Variants in CHRM3 observed in about 807,000 individuals in gnomAD.
The protein encoded by CHRM3 is muscarinic acetylcholine receptor M3.
CHRM3 carries 11 observed loss-of-function variants against 41.8 expected under a neutral mutation model. The observed-to-expected ratio is 0.26, with a 90% CI of 0.17 to 0.44. The LOEUF (loss-of-function observed/expected upper bound fraction) is 0.44, where lower values mean the gene tolerates loss of function less well. Ranked by LOEUF, CHRM3 falls within the 20% of genes least tolerant of loss-of-function variation. The pLI is 1.00. For synonymous variants in CHRM3, 297 were observed against 301.4 expected, an observed-to-expected ratio of 0.99 and a Z score of 0.15; for missense variants, 571 against 745.4, an observed-to-expected ratio of 0.77 and a Z score of 2.72.
chr1:239,650,941 C>T (rs1048327161), intron 4 of CHRM3, among the ~76,000 whole-genome samples: 8 of 151,986 alleles, frequency 5.3e-5, no homozygotes, highest in African/African-American at 1.9e-4. Context: ...AAAATATGTG[C>T]ACATTAATAT....
chr1:239,473,001 CTT>C (rs1666229527), intron 1 of CHRM3, among the ~76,000 whole-genome samples: 1 of 151,948 alleles, frequency 6.6e-6, no homozygotes, highest in Non-Finnish European at 1.5e-5. Context: ...AAAAAGAAAT[CTT>C]GATGTGTGAC....
chr1:239,730,091 A>G (rs1413911120), intron 5 of CHRM3, among the ~76,000 whole-genome samples: 1 of 152,116 alleles, frequency 6.6e-6, no homozygotes, highest in East Asian at 1.9e-4. Context: ...TACCACTCCT[A>G]TCAATAAATG....
At chr1:239,501,619 G>A (rs1420449211) in intron 2 of CHRM3, among the ~76,000 whole-genome samples, 1 of 152,190 alleles carries the variant, frequency 6.6e-6, no homozygotes, top group African/African-American at 2.4e-5. Flanking sequence ...ACTTTGGGAG[G>A]CTGAGGTGGG....
At chr1:239,630,665 T>A (rs573146901) in intron 3 of CHRM3, among the ~76,000 whole-genome samples, 1 of 152,210 alleles carries the variant, frequency 6.6e-6, no homozygotes, top group Non-Finnish European at 1.5e-5. Context: ...TAGTTCAGTT[T>A]ACTCTTGAAG....
At chr1:239,411,947 T>G (rs1661105955) in intron 1 of CHRM3, among the ~76,000 whole-genome samples, 1 of 151,844 alleles carries the variant, frequency 6.6e-6, no homozygotes, top group Non-Finnish European at 1.5e-5. Context: ...TATTTCTAAA[T>G]AGCAGGCATA....
At chr1:239,413,328 C>T (rs756127708) in intron 1 of CHRM3, among the ~76,000 whole-genome samples, 2 of 152,036 alleles carry the variant, frequency 1.3e-5, no homozygotes, top group Admixed American at 6.6e-5. Flanking sequence ...CTCACTCTGT[C>T]GCCCAGGCTG....
intron 1 of CHRM3, among the ~76,000 whole-genome samples, chr1:239,422,967 G>C (rs1189115933): frequency 6.6e-6 from 1 of 151,996 alleles, no homozygotes; most frequent in Admixed American, 6.6e-5. Context: ...TGATAGGAGA[G>C]GGCGGGCTTC....
chr1:239,394,352 C>A (rs116167810), intron 1 of CHRM3, among the ~76,000 whole-genome samples: 1 of 152,178 alleles, frequency 6.6e-6, no homozygotes, highest in African/African-American at 2.4e-5. Flanking sequence ...TCTGTGGTCA[C>A]GTTGCCTCCT....
intron 6 of CHRM3, among the ~76,000 whole-genome samples, chr1:239,893,529 A>C (rs1678721314): frequency 6.6e-6 from 1 of 151,944 alleles, no homozygotes; most frequent in Admixed American, 6.6e-5. Context: ...CCATTTCTTC[A>C]CCCTTAAAGT....
At chr1:239,562,803 A>G (rs968108363) in intron 3 of CHRM3, among the ~76,000 whole-genome samples, 2 of 150,682 alleles carry the variant, frequency 1.3e-5, no homozygotes, top group Middle Eastern at 3.5e-3. Context: ...CAGGAGAATC[A>G]CTTGAAACTG....
chr1:239,607,651 G>T (rs573413706), intron 3 of CHRM3, among the ~76,000 whole-genome samples: 1 of 151,732 alleles, frequency 6.6e-6, no homozygotes, highest in South Asian at 2.1e-4. Flanking sequence ...AATATGAAAA[G>T]CTCAAACTAA....
intron 1 of CHRM3, among the ~76,000 whole-genome samples, chr1:239,471,694 C>A (rs770431985): frequency 2.6e-5 from 4 of 152,178 alleles, no homozygotes; most frequent in Non-Finnish European, 4.4e-5. Flanking sequence ...GATCTCTGCC[C>A]AAGGCCTCAG....
chr1:239,467,310 CT>C (rs941354609), intron 1 of CHRM3, among the ~76,000 whole-genome samples: 1 of 151,152 alleles, frequency 6.6e-6, no homozygotes, highest in African/African-American at 2.4e-5. Flanking sequence ...GCCTCTAGTT[CT>C]TTTTTTTTGA....
At chr1:239,725,004 T>C (rs12743042) in intron 5 of CHRM3, among the ~76,000 whole-genome samples, 51,543 of 151,816 alleles carry the variant, frequency 0.34, 10,407 homozygotes, top group Middle Eastern at 0.49. Context: ...CCCTCTGCTA[T>C]GCCTGTGTGC....
chr1:239,908,392 G>C lies in CHRM3; in HGVS notation c.941G>C (p.Trp314Ser). The C allele has an allele frequency of 6.2e-7, 1 of 1,614,034 alleles. No homozygotes were observed. The highest frequency in any genetic ancestry group is 1.1e-5 in the South Asian group (1 of 91,078). The change falls in exon 7 of 7, where the codon TGG becomes TCG. Residue 314 changes from tryptophan to serine, a missense_variant. Transcript: ENST00000676153. This position sits in a 1 kb window ranked among gnomAD's most constrained non-coding sequence, Gnocchi z 7.2. ...AGGAAGTATGGCCGCTGCCACTTCT[G>C]GTTCACAACCAAGAGCTGGAAACCC... ...NRRKYGRCHF[W>S]FTTKSWKPSS...
intron 3 of CHRM3, among the ~76,000 whole-genome samples, chr1:239,562,321 A>G (rs1446808456): frequency 6.6e-6 from 1 of 152,136 alleles, no homozygotes. Context: ...ACTTTACAAA[A>G]TGGATAAGAG....
At chr1:239,797,248 T>C (rs1389150693) in intron 5 of CHRM3, among the ~76,000 whole-genome samples, 3 of 152,128 alleles carry the variant, frequency 2.0e-5, no homozygotes, top group African/African-American at 7.2e-5. Flanking sequence ...ACCTACTGGG[T>C]ATATGTTCAC....
chr1:239,870,092 G>T (rs1676447828), intron 6 of CHRM3, among the ~76,000 whole-genome samples: 1 of 152,138 alleles, frequency 6.6e-6, no homozygotes, highest in African/African-American at 2.4e-5. Context: ...TAAGGTTAAG[G>T]CACATTCTTT....
chr1:239,887,339 T>C (rs1678158851), intron 6 of CHRM3, among the ~76,000 whole-genome samples: 1 of 152,016 alleles, frequency 6.6e-6, no homozygotes, highest in Non-Finnish European at 1.5e-5. Flanking sequence ...GTAGGTGGGA[T>C]TATAGGCACC....
Sources: allele counts gnomAD v4.1 joint callset (sites outside exome capture counted in the v4.1 genomes callset), GRCh38; gene constraint gnomAD v4.1.1; non-coding constraint Gnocchi (gnomAD v3.1); transcripts MANE v1.5; gene names NCBI Gene and HGNC (gene_info 2026-07-23, HGNC 2026-07-21).